RAB22A: variants seen among roughly 807,000 people sequenced by gnomAD.
The protein encoded by RAB22A is RAB22A, member RAS oncogene family.
A neutral mutation model predicts 30.2 loss-of-function variants in RAB22A; 13 were observed. The ratio of observed to expected loss-of-function variants is 0.43; its 90% CI spans 0.28 to 0.68. RAB22A has a LOEUF of 0.68. RAB22A is among the 30% of genes least tolerant of loss of function. The pLI is 0.18. For missense variants in RAB22A, 177 were observed against 246.8 expected, an observed-to-expected ratio of 0.72 and a Z score of 1.89; for synonymous variants, 89 against 87.2, an observed-to-expected ratio of 1.02 and a Z score of -0.11.
intron 2 of RAB22A, among the ~76,000 whole-genome samples, chr20:58,331,392 A>G (rs1986657943): frequency 1.3e-5 from 2 of 152,216 alleles, no homozygotes; most frequent in African/African-American, 4.8e-5. Context: ...GCTGTATGAG[A>G]AGAGGAACCG....
In RAB22A at chr20:58,364,429, G is replaced by A. The variant is rs1442250516; in HGVS notation, c.*4726G>A. The A allele has an allele frequency of 6.6e-6, 1 of 151,884 alleles. No homozygotes were observed. Among genetic ancestry groups the A allele is most frequent in the Non-Finnish European group, 1.5e-5 (1 of 67,968 alleles). The allele number at this position is 151,884 out of a possible 1,614,324, so 9.4% of individuals were successfully genotyped here. ...AATATTTTTGGCTTCAAAACAAAAG[G>A]ATTCATAAGCTTAAAAAAACAAAAA... On this transcript the variant is annotated 3_prime_UTR_variant, in exon 7 of 7. Transcript: ENST00000244040.
chr20:58,355,933 A>G (rs1392895518), intron 6 of RAB22A, among the ~76,000 whole-genome samples: 1 of 152,240 alleles, frequency 6.6e-6, no homozygotes, highest in Non-Finnish European at 1.5e-5. Flanking sequence ...TCACAGCTCA[A>G]GCTAAAATGT....
chr20:58,313,941 T>C (rs2143612), intron 2 of RAB22A, among the ~76,000 whole-genome samples: 4,235 of 152,332 alleles, frequency 0.028, 82 homozygotes, highest in Non-Finnish European at 0.039. Context: ...CTGGTACTTT[T>C]CAGAGCAAGT....
intron 2 of RAB22A, among the ~76,000 whole-genome samples, chr20:58,334,936 CTT>C (rs1439334444): frequency 3.3e-5 from 5 of 152,098 alleles, no homozygotes; most frequent in Non-Finnish European, 7.4e-5. Flanking sequence ...TTGGAAGACT[CTT>C]TTTATGTTTA....
At chr20:58,312,020 A>G (rs1488665834) in intron 2 of RAB22A, among the ~76,000 whole-genome samples, 3 of 152,178 alleles carry the variant, frequency 2.0e-5, no homozygotes, top group Non-Finnish European at 4.4e-5. Context: ...CAATGGCGCA[A>G]TCTTGGCTCA....
At chr20:58,331,547 C>T (rs1213568356) in intron 2 of RAB22A, among the ~76,000 whole-genome samples, 1 of 152,106 alleles carries the variant, frequency 6.6e-6, no homozygotes, top group Admixed American at 6.6e-5. Context: ...AGCTTTTACC[C>T]CCATTATTCC....
At chr20:58,313,906 C>T (rs139607467) in intron 2 of RAB22A, among the ~76,000 whole-genome samples, 224 of 152,232 alleles carry the variant, frequency 1.5e-3, no homozygotes, top group African/African-American at 5.1e-3. Context: ...CCTTGATGGG[C>T]CACAAACCCA....
Position 58,359,967 on chromosome 20 carries a change from TTGTA to T in RAB22A, c.*267_*270del, listed in dbSNP as rs1337327796. 6 of 206,318 alleles carry T rather than the reference TTGTA, an allele frequency of 2.9e-5. No homozygotes were observed. The East Asian group carries it at 6.2e-4, about 21-fold the overall frequency. 12.8% of individuals were successfully genotyped at this position (206,318 alleles called of 1,614,324 possible). Reference sequence around the variant, plus strand: ...GACCTTGCTGAAAAGGAACATATAATTGTATGGATGGTAGGATTAAGTTGTTGAG... The same window carrying T: ...GACCTTGCTGAAAAGGAACATATAATTGGATGGTAGGATTAAGTTGTTGAG... On this transcript the variant is annotated 3_prime_UTR_variant, in exon 7 of 7. Coordinates refer to ENST00000244040, the MANE Select transcript of RAB22A (RefSeq NM_020673.3).
Position 58,360,706 on chromosome 20 carries a change from C to G in RAB22A, c.*1003C>G, listed in dbSNP as rs1207394047. The G allele has an allele frequency of 6.6e-6, 1 of 152,476 alleles. No individual in the cohort carries two copies. Among genetic ancestry groups the G allele is most frequent in the Non-Finnish European group, 1.5e-5 (1 of 68,016 alleles). The allele number at this position is 152,476 out of a possible 1,614,324, so 9.4% of individuals were successfully genotyped here. ...CGCACCCAGTCTTGCGTATGCCTGC[C>G]CAGTTTTCAGCCTCTTAACGGGAGA... On this transcript the variant is annotated 3_prime_UTR_variant, in exon 7 of 7. Transcript: ENST00000244040.
Position 58,357,089 on chromosome 20 carries a change from C to T in RAB22A, c.488-2517C>T, listed in dbSNP as rs75267697. Among the ~76,000 whole-genome samples, 926 of 152,218 alleles carry T rather than the reference C, an allele frequency of 6.1e-3. 6 individuals carry two copies. Among genetic ancestry groups the T allele is most frequent in the African/African-American group, 0.021 (875 of 41,548 alleles). ...ATGCATGCATTCAGTACAGCTTTAC[C>T]GCCAACCAGTTTTCAAAGTGGTAGT... On this transcript the variant is annotated intron_variant, in intron 6 of 6. Coordinates refer to ENST00000244040, the MANE Select transcript of RAB22A (RefSeq NM_020673.3).
At chr20:58,327,451 C>T (rs552523876) in intron 2 of RAB22A, among the ~76,000 whole-genome samples, 1 of 152,312 alleles carries the variant, frequency 6.6e-6, no homozygotes, top group African/African-American at 2.4e-5. Context: ...TGGCTGGAGG[C>T]CTCAGTTCCA....
chr20:58,314,415 T>C (rs1986295341), intron 2 of RAB22A, among the ~76,000 whole-genome samples: 1 of 152,174 alleles, frequency 6.6e-6, no homozygotes, highest in Admixed American at 6.5e-5. Context: ...AAATATGCAG[T>C]ACTATGAAAA....
At chr20:58,323,326 G>T (rs1199449748) in intron 2 of RAB22A, among the ~76,000 whole-genome samples, 3 of 152,132 alleles carry the variant, frequency 2.0e-5, no homozygotes, top group Admixed American at 2.0e-4. Flanking sequence ...GTTATATCCA[G>T]TAACCTTGCT....
chr20:58,319,373 A>G (rs1364586110), intron 2 of RAB22A, among the ~76,000 whole-genome samples: 1 of 152,180 alleles, frequency 6.6e-6, no homozygotes, highest in East Asian at 1.9e-4. Context: ...ATATATGTGT[A>G]TGGGTGTATT....
At chr20:58,329,742 A>C (rs1176431510) in intron 2 of RAB22A, among the ~76,000 whole-genome samples, 1 of 152,212 alleles carries the variant, frequency 6.6e-6, no homozygotes, top group Non-Finnish European at 1.5e-5. Flanking sequence ...ACTGCTAGAT[A>C]TTATACCACA....
intron 3 of RAB22A, among the ~76,000 whole-genome samples, chr20:58,350,002 C>G (rs1048984060): frequency 1.3e-5 from 2 of 152,102 alleles, no homozygotes; most frequent in African/African-American, 4.8e-5. Flanking sequence ...TGGCTCATGC[C>G]TTTAATCCCA....
chr20:58,359,000 GT>G (rs1987179500), intron 6 of RAB22A, among the ~76,000 whole-genome samples: 2 of 152,168 alleles, frequency 1.3e-5, no homozygotes, highest in Non-Finnish European at 2.9e-5. Context: ...GGTGCATATG[GT>G]TTGCTTTATT....
chr20:58,351,454 C>T (rs1288278985), intron 3 of RAB22A, among the ~76,000 whole-genome samples: 4 of 151,846 alleles, frequency 2.6e-5, no homozygotes, highest in Non-Finnish European at 4.4e-5. Context: ...TAAAATTGAA[C>T]ACTAAGAAAA....
chr20:58,318,664 G>T (rs571280499), intron 2 of RAB22A, among the ~76,000 whole-genome samples: 27 of 152,142 alleles, frequency 1.8e-4, no homozygotes, highest in African/African-American at 6.0e-4. Context: ...CCTGTTTAAG[G>T]CAGTATCTAC....
Sources: gnomAD v4.1 joint callset for allele counts (sites outside exome capture counted in the v4.1 genomes callset) on GRCh38, gnomAD v4.1.1 for gene constraint, MANE v1.5 for transcripts, NCBI Gene and HGNC (gene_info 2026-07-23, HGNC 2026-07-21) for gene names.